The following GRAMD2A variants were observed in gnomAD, a reference collection of about 807,000 sequenced individuals.
GRAMD2A encodes the protein GRAM domain-containing protein 2A.
GRAMD2A carries 37 observed loss-of-function variants against 51.1 expected under a neutral mutation model. That is an observed-to-expected ratio of 0.72 (90% CI 0.56 to 0.95). The LOEUF (loss-of-function observed/expected upper bound fraction) is 0.95, where lower values mean the gene tolerates loss of function less well. Among genes scored for constraint, GRAMD2A ranks in the 40% least tolerant of loss-of-function variants. GRAMD2A has a pLI of 0.00. For synonymous variants in GRAMD2A, 136 were observed against 157.1 expected, an observed-to-expected ratio of 0.87 and a Z score of 1.01; for missense variants, 414 against 426.9, an observed-to-expected ratio of 0.97 and a Z score of 0.27.
Position 72,172,541 on chromosome 15 carries a change from C to T in GRAMD2A, c.42-2602G>A, listed in dbSNP as rs1045210701. On this transcript the variant is annotated intron_variant, in intron 1 of 11. Coordinates refer to ENST00000309731, the MANE Select transcript of GRAMD2A (RefSeq NM_001012642.3). ...AAGTGATTCTCATGCCTCAGCCTCC[C>T]GAGTAGCTGGGATTACAGGTACCTG... 1.6e-4 allele frequency among the ~76,000 whole-genome samples: 24 copies of T among 151,892 alleles called. 1 individual carries two copies. Among genetic ancestry groups the T allele is most frequent in the Admixed American group, 4.6e-4 (7 of 15,238 alleles).
Position 72,169,545 on chromosome 15 carries a change from C to A in GRAMD2A, c.134+302G>T, listed in dbSNP as rs567833707. ...ACCTGACCTGGCTGAGGCTACCACA[C>A]TGGGAGAGGGGGATGGCACTGAGAA... On this transcript the variant is annotated intron_variant, in intron 2 of 11. Coordinates refer to ENST00000309731, the MANE Select transcript of GRAMD2A (RefSeq NM_001012642.3). 5.2e-4 allele frequency: 301 copies of A among 579,406 alleles called. 1 individual carries two copies. Among genetic ancestry groups the A allele is most frequent in the African/African-American group, 4.9e-3 (270 of 54,548 alleles). The allele number at this position is 579,406 out of a possible 1,614,324, so 35.9% of individuals were successfully genotyped here. A position where few individuals can be genotyped will look rare whatever the true frequency, so the allele number is the denominator to read the frequency against.
At chr15:72,191,971 T>C (rs994512336) in intron 1 of GRAMD2A, among the ~76,000 whole-genome samples, 3 of 152,200 alleles carry the variant, frequency 2.0e-5, no homozygotes, top group Non-Finnish European at 4.4e-5. Context: ...TATGAGACAA[T>C]GGAGGGAATG....
intron 1 of GRAMD2A, among the ~76,000 whole-genome samples, chr15:72,196,347 C>A (rs902144493): frequency 6.6e-6 from 1 of 151,906 alleles, no homozygotes; most frequent in South Asian, 2.1e-4. Context: ...GAAACCCCAT[C>A]TCTACTAAAA....
At chr15:72,195,433 G>A (rs966101547) in intron 1 of GRAMD2A, among the ~76,000 whole-genome samples, 7 of 152,188 alleles carry the variant, frequency 4.6e-5, no homozygotes, top group African/African-American at 1.7e-4. Context: ...AGCAGGTTAG[G>A]GGCGGGGTGG....
rs1294262588 is a variant in GRAMD2A, at chr15:72,167,810, G to C, written c.298C>G (p.Leu100Val). The change falls in exon 5 of 12, where the codon CTC becomes GTC. Residue 100 changes from leucine to valine, a missense_variant. Physicochemically the swap from Leu to Val is conservative, Grantham distance 32 (BLOSUM62 1). Transcript: ENST00000309731. ...VCSCALQRDF[L>V]LQGRLYISPN... ...GAGATGTAGAGCCGGCCCTGGAGGA[G>C]GAAGTCCCTCTGGAGGGCACAGGAA... is the stretch of plus-strand genomic sequence containing the variant. The C allele has an allele frequency of 6.2e-7, 1 of 1,614,036 alleles. No individual in the cohort carries two copies. The highest frequency in any genetic ancestry group is 1.7e-5 in the Admixed American group (1 of 60,014).
intron 1 of GRAMD2A, among the ~76,000 whole-genome samples, chr15:72,187,513 T>G (rs2081741953): frequency 6.6e-6 from 1 of 151,492 alleles, no homozygotes; most frequent in East Asian, 1.9e-4. Flanking sequence ...ATTAAAGATA[T>G]AAGTTATATA....
intron 8 of GRAMD2A, among the ~76,000 whole-genome samples, chr15:72,164,790 T>A (rs984555233): frequency 2.5e-4 from 38 of 152,132 alleles, no homozygotes; most frequent in African/African-American, 8.4e-4. Context: ...TCTGTACAGG[T>A]GTGCAGCCCA....
chr15:72,168,245 G>A (rs147871778), intron 4 of GRAMD2A, among the ~76,000 whole-genome samples: 2,034 of 152,330 alleles, frequency 0.013, 28 homozygotes, highest in African/African-American at 0.022. Context: ...GAAGTCACCA[G>A]TAAGAGCAGG....
chr15:72,182,812 G>T (rs1567089427), intron 1 of GRAMD2A, among the ~76,000 whole-genome samples: 3 of 152,158 alleles, frequency 2.0e-5, no homozygotes, highest in Non-Finnish European at 4.4e-5. Context: ...ATGAGTTGTT[G>T]TTCTTTGGGT....
In GRAMD2A at chr15:72,167,021, C is replaced by T. The variant is rs1233757185; in HGVS notation, c.444G>A (p.Leu148=). ...TCTGGCTGGTGTTGGTGGTGATGGC[C>T]AGTCCATTGGGAAGGAGCCGTGCCA... ...HKMARLLPNG[L]AITTNTSQKY... The change falls in exon 6 of 12, where the codon CTG becomes CTA. Residue 148 remains leucine (L), a synonymous_variant. Transcript: ENST00000309731. 1.9e-6 allele frequency: 3 copies of T among 1,613,920 alleles called. No homozygotes were observed. The African/African-American group carries it at 4.0e-5, about 22-fold the overall frequency.
chr15:72,172,929 A>G (rs1376220833), intron 1 of GRAMD2A, among the ~76,000 whole-genome samples: 1 of 152,072 alleles, frequency 6.6e-6, no homozygotes, highest in Non-Finnish European at 1.5e-5. Flanking sequence ...GGGGGAGTAG[A>G]TATGCAAGTC....
intron 1 of GRAMD2A, among the ~76,000 whole-genome samples, chr15:72,194,282 G>A (rs1187557218): frequency 2.0e-5 from 3 of 152,186 alleles, no homozygotes; most frequent in Non-Finnish European, 4.4e-5. Context: ...ATGCTACACC[G>A]TTCTTGACTT....
Position 72,168,537 on chromosome 15 carries a change from G to A in GRAMD2A, c.222C>T (p.Tyr74=). 6.2e-7 allele frequency: 1 copy of A among 1,613,868 alleles called. No individual in the cohort carries two copies. Among genetic ancestry groups the A allele is most frequent in the Non-Finnish European group, 8.5e-7 (1 of 1,179,862 alleles). ...GITLNKYNQQ[Y]HKLFKDVPLE... ...AGGGAACATCCTTAAACAGCTTGTG[G>A]TATTGCTGGTTGTATTTATTCAGTG... Residue 74 remains tyrosine (Y), a synonymous_variant, in exon 4 of 12, where the codon TAC becomes TAT. Transcript: ENST00000309731.
chr15:72,184,339 C>A (rs923192444), intron 1 of GRAMD2A, among the ~76,000 whole-genome samples: 1 of 152,276 alleles, frequency 6.6e-6, no homozygotes, highest in African/African-American at 2.4e-5. Flanking sequence ...TCCAAAGCGG[C>A]GCCCGCGGCG....
chr15:72,162,666 T>C (rs139048121), intron 10 of GRAMD2A: 25 of 304,354 alleles, frequency 8.2e-5, no homozygotes, highest in African/African-American at 5.2e-4. Flanking sequence ...TCCTACCCTC[T>C]CTCTCACCAG....
intron 8 of GRAMD2A, 93 bp from the exon 9 acceptor site, chr15:72,163,850 G>T: frequency 7.4e-7 from 1 of 1,354,564 alleles, no homozygotes; most frequent in Non-Finnish European, 1.0e-6. Context: ...GTTTTCTCCA[G>T]ATATTACCAA....
chr15:72,194,863 T>A lies in GRAMD2A; in HGVS notation c.41+2868A>T, dbSNP rs532790865. ...CCACCACACCTAACTCATTTTTGTA[T>A]TTTTAGTAGAGATGGGGTTTTACCA... On this transcript the variant is annotated intron_variant, in intron 1 of 11. Coordinates refer to ENST00000309731, the MANE Select transcript of GRAMD2A (RefSeq NM_001012642.3). 1.6e-3 allele frequency among the ~76,000 whole-genome samples: 243 copies of A among 152,226 alleles called. 1 individual carries two copies. Among genetic ancestry groups the A allele is most frequent in the Middle Eastern group, 6.8e-3 (2 of 294 alleles).
chr15:72,177,220 T>C (rs1567087633), intron 1 of GRAMD2A, among the ~76,000 whole-genome samples: 1 of 151,794 alleles, frequency 6.6e-6, no homozygotes, highest in Non-Finnish European at 1.5e-5. Context: ...ACCAGTTAAA[T>C]CAGAATATCT....
chr15:72,174,807 A>C (rs1189732235), intron 1 of GRAMD2A, among the ~76,000 whole-genome samples: 1 of 152,160 alleles, frequency 6.6e-6, no homozygotes, highest in Non-Finnish European at 1.5e-5. Flanking sequence ...GGAGATGTCA[A>C]GAATGGGGAG....
Sources: gnomAD v4.1 joint callset for allele counts (sites outside exome capture counted in the v4.1 genomes callset) on GRCh38, gnomAD v4.1.1 for gene constraint, MANE v1.5 for transcripts, NCBI Gene and HGNC (gene_info 2026-07-23, HGNC 2026-07-21) for gene names.